Variants in DAAM1 observed in about 807,000 individuals in gnomAD.
DAAM1 encodes disheveled-associated activator of morphogenesis 1.
A neutral mutation model predicts 130.0 loss-of-function variants in DAAM1; 52 were observed. The ratio of observed to expected loss-of-function variants is 0.40; its 90% CI spans 0.32 to 0.50. DAAM1 has a LOEUF of 0.50. DAAM1 is among the 20% of genes least tolerant of loss of function. DAAM1 has a pLI of 0.61. For synonymous variants in DAAM1, 452 were observed against 444.5 expected, an observed-to-expected ratio of 1.02 and a Z score of -0.21; for missense variants, 1,134 against 1,303.8, an observed-to-expected ratio of 0.87 and a Z score of 2.01.
intron 15 of DAAM1, among the ~76,000 whole-genome samples, chr14:59,334,691 G>A (rs1381860127): frequency 3.9e-5 from 6 of 152,192 alleles, no homozygotes; most frequent in African/African-American, 1.4e-4. Context: ...AAACATAAGT[G>A]TATATGCACA....
rs1886556319 is a variant in DAAM1 at position 59,358,155 on chromosome 14, G to A, written c.2526-1242G>A. Among the ~76,000 whole-genome samples the A allele has an allele frequency of 2.0e-5, 3 of 152,202 alleles. No individual in the cohort carries two copies. In the South Asian group the frequency reaches 6.2e-4, roughly 31 times the overall value. The stretch of plus-strand genomic sequence containing the variant: ...AAATCAACAGGGAGTTTTAAAGAAT[G>A]CCCATGCCTGACTCCACCTCATTCC... On this transcript the variant is annotated intron_variant, in intron 20 of 24. Transcript: ENST00000360909.
rs535510869 is a variant in DAAM1, at chr14:59,235,832, A to G, written c.-37-27609A>G. On this transcript the variant is annotated intron_variant, in intron 1 of 24. Coordinates refer to ENST00000360909, the MANE Select transcript of DAAM1 (RefSeq NM_001270520.2). ...TTAGCTGTGTCCCAAAGATTCTGGT[A>G]TGTGAATATATTGCATTTCATCCAA... Among the ~76,000 whole-genome samples, 4 of 152,308 alleles carry G rather than the reference A, an allele frequency of 2.6e-5. No homozygotes were observed. The South Asian group carries it at 8.3e-4, about 32-fold the overall frequency.
intron 3 of DAAM1, among the ~76,000 whole-genome samples, chr14:59,292,648 C>T (rs942502154): frequency 1.3e-5 from 2 of 152,202 alleles, no homozygotes; most frequent in African/African-American, 4.8e-5. Flanking sequence ...ATTTAAAGCA[C>T]ATTAATTTTC....
intron 17 of DAAM1, among the ~76,000 whole-genome samples, chr14:59,348,865 C>G (rs1357964599): frequency 6.6e-6 from 1 of 152,162 alleles, no homozygotes; most frequent in Admixed American, 6.5e-5. Flanking sequence ...GCAACCTCTG[C>G]GGCTGGAATA....
chr14:59,293,836 G>A (rs1404037351), intron 3 of DAAM1, among the ~76,000 whole-genome samples: 1 of 152,172 alleles, frequency 6.6e-6, no homozygotes, highest in African/African-American at 2.4e-5. Context: ...AGGATATTAT[G>A]TTTACCTCTC....
intron 5 of DAAM1, among the ~76,000 whole-genome samples, chr14:59,321,566 C>T (rs1169317907): frequency 2.0e-5 from 3 of 152,188 alleles, no homozygotes; most frequent in Non-Finnish European, 4.4e-5. Context: ...TCCTTTAATG[C>T]CTCTAGGATT....
intron 2 of DAAM1, among the ~76,000 whole-genome samples, chr14:59,276,177 A>G (rs867722222): frequency 6.6e-6 from 1 of 152,318 alleles, no homozygotes; most frequent in Middle Eastern, 3.4e-3. Context: ...TTCTTTGGCA[A>G]TTCATGATTC....
intron 2 of DAAM1, among the ~76,000 whole-genome samples, chr14:59,268,836 A>G (rs1435857506): frequency 6.6e-6 from 1 of 152,200 alleles, no homozygotes; most frequent in African/African-American, 2.4e-5. Flanking sequence ...AAATATAACC[A>G]ATATGAATAA....
Position 59,367,618 on chromosome 14 carries a change from G to C in DAAM1, c.2997+19G>C, listed in dbSNP as rs1418689459. 1.2e-6 allele frequency: 2 copies of C among 1,606,924 alleles called. No individual in the cohort carries two copies. The highest frequency in any genetic ancestry group is 1.7e-6 in the Non-Finnish European group (2 of 1,176,300). On this transcript the variant is annotated intron_variant, in intron 24 of 24. Transcript: ENST00000360909. ...AGCTCAGGTGAGAGGATGATTAATT[G>C]ACCAATTCCACCTCCTAGAAGTTCT...
At chr14:59,210,401 G>A (rs1316220952) in intron 1 of DAAM1, among the ~76,000 whole-genome samples, 1 of 152,000 alleles carries the variant, frequency 6.6e-6, no homozygotes, top group East Asian at 1.9e-4. Flanking sequence ...GCCTGTTTGC[G>A]AATTTATCTG....
At chr14:59,352,980 T>C (rs1886343406) in intron 18 of DAAM1, among the ~76,000 whole-genome samples, 1 of 131,520 alleles carries the variant, frequency 7.6e-6, no homozygotes, top group Non-Finnish European at 1.6e-5. Flanking sequence ...CATGGCAAGG[T>C]GGTTGTAAAA....
At chr14:59,223,779 C>G (rs1888851689) in intron 1 of DAAM1, among the ~76,000 whole-genome samples, 1 of 152,222 alleles carries the variant, frequency 6.6e-6, no homozygotes, top group Non-Finnish European at 1.5e-5. Flanking sequence ...ACAACTTGTA[C>G]TTCATCTTGG....
intron 4 of DAAM1, among the ~76,000 whole-genome samples, chr14:59,319,961 A>G (rs935806634): frequency 9.9e-5 from 15 of 152,026 alleles, no homozygotes; most frequent in African/African-American, 3.1e-4. Context: ...CCATATCCTG[A>G]TTTCTAAATG....
At chr14:59,243,802 C>T (rs1285690242) in intron 1 of DAAM1, among the ~76,000 whole-genome samples, 3 of 152,156 alleles carry the variant, frequency 2.0e-5, no homozygotes, top group Admixed American at 2.0e-4. Flanking sequence ...AGTGGGAGAA[C>T]AATTCCTATA....
intron 4 of DAAM1, among the ~76,000 whole-genome samples, 195 bp from the exon 5 acceptor site, chr14:59,320,295 G>A (rs539502559): frequency 1.3e-5 from 2 of 152,274 alleles, no homozygotes; most frequent in African/African-American, 2.4e-5. Context: ...AAGCATTTGG[G>A]CAACGTCATC....
At chr14:59,362,321 G>A (rs999937314) in intron 22 of DAAM1, 2 of 152,128 alleles carry the variant, frequency 1.3e-5, no homozygotes, top group African/African-American at 4.8e-5. Context: ...ACCCTTGGAG[G>A]TGACGTAGTA....
At chr14:59,268,365 G>A (rs1262424368) in intron 2 of DAAM1, among the ~76,000 whole-genome samples, 6 of 152,156 alleles carry the variant, frequency 3.9e-5, no homozygotes, top group Non-Finnish European at 8.8e-5. Context: ...ATGTAGGAGC[G>A]GAATTAACTG....
intron 1 of DAAM1, among the ~76,000 whole-genome samples, chr14:59,259,606 C>A (rs752665173): frequency 6.6e-6 from 1 of 152,126 alleles, no homozygotes; most frequent in African/African-American, 2.4e-5. Context: ...GGGACACTGG[C>A]CTGGCTTCTG....
chr14:59,266,314 G>T (rs952552489), intron 2 of DAAM1, among the ~76,000 whole-genome samples: 1 of 152,020 alleles, frequency 6.6e-6, no homozygotes, highest in Admixed American at 6.6e-5. Context: ...GCCCTCAGTG[G>T]TAGTAGAGCT....
Sources: gnomAD v4.1 joint callset for allele counts (sites outside exome capture counted in the v4.1 genomes callset) on GRCh38, gnomAD v4.1.1 for gene constraint, MANE v1.5 for transcripts, NCBI Gene and HGNC (gene_info 2026-07-23, HGNC 2026-07-21) for gene names.